Variants in ZNF638 observed in about 807,000 individuals in gnomAD.
ZNF638 encodes the protein CTCL tumor antigen se33-1.
A neutral mutation model predicts 195.6 loss-of-function variants in ZNF638; 46 were observed. That is an observed-to-expected ratio of 0.24 (90% CI 0.19 to 0.30). ZNF638 has a LOEUF of 0.30. ZNF638 is among the 10% of genes least tolerant of loss of function. The pLI is 1.00. For synonymous variants in ZNF638, 845 were observed against 772.0 expected (o/e 1.09, Z -1.57); for missense variants, 2,440 against 2,325.3 (o/e 1.05, Z -1.01).
At chr2:71,353,755 A>T (rs1251631754) in intron 2 of ZNF638, among the ~76,000 whole-genome samples, 1 of 152,180 alleles carries the variant, frequency 6.6e-6, no homozygotes, top group Non-Finnish European at 1.5e-5. Context: ...ACTTGCGGGT[A>T]AAAATCTCTG....
chr2:71,429,957 C>T (rs866059665), intron 25 of ZNF638, among the ~76,000 whole-genome samples: 3 of 152,132 alleles, frequency 2.0e-5, no homozygotes, highest in East Asian at 1.9e-4. Flanking sequence ...ATTAGGTTCT[C>T]GCATGATTTC....
chr2:71,391,025 C>T (rs1249576523), intron 10 of ZNF638, among the ~76,000 whole-genome samples: 1 of 152,186 alleles, frequency 6.6e-6, no homozygotes, highest in East Asian at 1.9e-4. Flanking sequence ...ATTTGGGTAG[C>T]ACAGTGGCCT....
At chr2:71,339,552 C>T (rs1459903592) in intron 1 of ZNF638, among the ~76,000 whole-genome samples, 2 of 152,146 alleles carry the variant, frequency 1.3e-5, no homozygotes. Flanking sequence ...AACCAAATGG[C>T]AGAGAGGGCA....
chr2:71,345,014 CAGTT>C (rs1354610654), intron 1 of ZNF638, among the ~76,000 whole-genome samples: 1 of 152,116 alleles, frequency 6.6e-6, no homozygotes, highest in Non-Finnish European at 1.5e-5. Flanking sequence ...ATACTTTCTG[CAGTT>C]AGTTACCTGT....
intron 1 of ZNF638, 122 bp downstream of exon 1, chr2:71,331,997 C>A: frequency 2.3e-4 from 161 of 685,806 alleles, no homozygotes; most frequent in Middle Eastern, 7.5e-4. Context: ...CGGCTCCGCA[C>A]AAAATGGCGG....
At chr2:71,376,565 C>G (rs1184863732) in intron 8 of ZNF638, among the ~76,000 whole-genome samples, 1 of 152,168 alleles carries the variant, frequency 6.6e-6, no homozygotes, top group African/African-American at 2.4e-5. Context: ...TGGTCCAAAT[C>G]TTGATTTTGG....
chr2:71,375,956 T>G (rs1029838057), intron 8 of ZNF638: 1 of 152,210 alleles, frequency 6.6e-6, no homozygotes, highest in Non-Finnish European at 1.5e-5. Flanking sequence ...TAGCTGATCA[T>G]TAAATTTTTG....
chr2:71,433,078 C>G (rs1355591508), intron 26 of ZNF638, 87 bp from the exon 27 acceptor site: 4 of 1,090,280 alleles, frequency 3.7e-6, no homozygotes, highest in Non-Finnish European at 5.5e-6. Context: ...CAGAGTGAGA[C>G]TCCGTCTCAA....
At chr2:71,335,540 C>CA (rs367604811) in intron 1 of ZNF638, among the ~76,000 whole-genome samples, 2,280 of 148,506 alleles carry the variant, frequency 0.015, 22 homozygotes, top group Non-Finnish European at 0.025. Context: ...ATATTTTTAC[C>CA]AAAAAAAAAG....
Position 71,349,826 on chromosome 2 carries a change from C to T in ZNF638, c.872C>T (p.Thr291Ile), listed in dbSNP as rs1210814581. ...NRSFFSVESG[T>I]KMSGLHISGG... ...TCCTTTTTCTCAGTTGAGAGTGGAA[C>T]CAAGATGTCAGGCTTACACATTTCA... The change falls in exon 2 of 28, where the codon ACC (threonine) becomes ATC (isoleucine). Residue 291 changes from threonine (T) to isoleucine (I), a missense_variant. Thr to Ile is a moderately conservative substitution (Grantham distance 89). Coordinates refer to ENST00000264447, the MANE Select transcript of ZNF638 (RefSeq NM_014497.5). The T allele has an allele frequency of 6.2e-7, 1 of 1,614,058 alleles. No homozygotes were observed. The highest frequency in any genetic ancestry group is 1.3e-5 in the African/African-American group (1 of 74,932).
intron 10 of ZNF638, among the ~76,000 whole-genome samples, chr2:71,391,523 C>G (rs920353251): frequency 6.6e-6 from 1 of 152,190 alleles, no homozygotes; most frequent in Non-Finnish European, 1.5e-5. Context: ...GCAGACCCAA[C>G]AGAGCCAATA....
chr2:71,359,881 G>C (rs1241364339), intron 3 of ZNF638, among the ~76,000 whole-genome samples: 1 of 152,118 alleles, frequency 6.6e-6, no homozygotes, highest in Non-Finnish European at 1.5e-5. Flanking sequence ...TACAAGAGTA[G>C]TTGAGGAAAG....
chr2:71,368,796 A>G (rs1044775442), intron 7 of ZNF638, among the ~76,000 whole-genome samples: 9 of 152,262 alleles, frequency 5.9e-5, no homozygotes, highest in African/African-American at 2.2e-4. Context: ...GTGCTCTGGC[A>G]TTCTAGTACA....
chr2:71,419,974 C>CCCTTTTTTTTT (rs1189202093), intron 21 of ZNF638, among the ~76,000 whole-genome samples: 1 of 27,022 alleles, frequency 3.7e-5, no homozygotes, highest in Admixed American at 7.5e-4. Context: ...CCCCCCCCGC[C>CCCTTTTTTTTT]TTTTTTTTTT....
At chr2:71,393,732 A>G in intron 10 of ZNF638, 1 of 654,920 alleles carries the variant, frequency 1.5e-6, no homozygotes, top group Non-Finnish European at 2.8e-6. Context: ...CTCATCTGTT[A>G]GATCCGCCTT....
intron 6 of ZNF638, among the ~76,000 whole-genome samples, chr2:71,367,223 G>A (rs1381756859): frequency 1.3e-5 from 2 of 151,678 alleles, no homozygotes; most frequent in South Asian, 4.2e-4. Flanking sequence ...CTTCTAGGTG[G>A]TGGCAGTGGA....
intron 3 of ZNF638, among the ~76,000 whole-genome samples, chr2:71,356,560 CAGGT>C (rs986872197): frequency 2.6e-5 from 4 of 152,128 alleles, no homozygotes; most frequent in Non-Finnish European, 5.9e-5. Flanking sequence ...AAGGCTGAGA[CAGGT>C]AGGCTTGCTT....
intron 8 of ZNF638, among the ~76,000 whole-genome samples, chr2:71,378,561 T>C (rs1460332473): frequency 2.0e-5 from 3 of 152,286 alleles, no homozygotes; most frequent in East Asian, 3.9e-4. Flanking sequence ...GTCTCTGGTA[T>C]CACAGAGTTT....
rs150876842 is a variant in ZNF638, at chr2:71,372,715, A to G, written c.2265+2710A>G. 8.4e-4 allele frequency among the ~76,000 whole-genome samples: 128 copies of G among 152,202 alleles called. 1 individual carries two copies. The highest frequency in any genetic ancestry group is 2.8e-3 in the African/African-American group (115 of 41,548). Reference sequence around the variant, plus strand: ...GATGAACAGTGTAGGGTTCTATTCTACCATTTTGCTCCACCCAGCTATGTG... The same window carrying G: ...GATGAACAGTGTAGGGTTCTATTCTGCCATTTTGCTCCACCCAGCTATGTG... On this transcript the variant is annotated intron_variant, in intron 8 of 27. Coordinates refer to ENST00000264447, the MANE Select transcript of ZNF638 (RefSeq NM_014497.5).
Sources: gnomAD v4.1 joint callset for allele counts (sites outside exome capture counted in the v4.1 genomes callset) on GRCh38, gnomAD v4.1.1 for gene constraint, MANE v1.5 for transcripts, NCBI Gene and HGNC (gene_info 2026-07-23, HGNC 2026-07-21) for gene names.